LAMA2: variants seen among roughly 807,000 people sequenced by gnomAD.
LAMA2 encodes the protein laminin subunit alpha-2.
A neutral mutation model predicts 364.8 loss-of-function variants in LAMA2; 269 were observed. The ratio of observed to expected loss-of-function variants is 0.74; its 90% CI spans 0.67 to 0.82. LAMA2 has a LOEUF of 0.82. Among genes scored for constraint, LAMA2 ranks in the 40% least tolerant of loss-of-function variants. The probability of loss-of-function intolerance (pLI) is 0.00; values close to 1 mark genes in which losing one functional copy is unlikely to be tolerated. For missense variants in LAMA2, 3,807 were observed against 3,873.2 expected, an observed-to-expected ratio of 0.98 and a Z score of 0.45; for synonymous variants, 1,379 against 1,370.6, an observed-to-expected ratio of 1.01 and a Z score of -0.14.
intron 40 of LAMA2, among the ~76,000 whole-genome samples, chr6:129,417,306 C>T (rs1204759404): frequency 3.9e-5 from 6 of 152,204 alleles, no homozygotes; most frequent in Admixed American, 3.9e-4. Flanking sequence ...CTCCGTTCCA[C>T]AGGCAGGTAA....
chr6:129,400,503 T>G (rs952559846), intron 37 of LAMA2, among the ~76,000 whole-genome samples: 8 of 152,216 alleles, frequency 5.3e-5, no homozygotes, highest in Non-Finnish European at 8.8e-5. Flanking sequence ...TTGATGCAGT[T>G]AAATCTGTAG....
chr6:129,010,884 A>G (rs1278828857), intron 1 of LAMA2, among the ~76,000 whole-genome samples: 2 of 152,134 alleles, frequency 1.3e-5, no homozygotes, highest in Non-Finnish European at 2.9e-5. Flanking sequence ...TACTTCCTAT[A>G]CCTATGTCTT....
chr6:129,309,034 C>T (rs1765384747), intron 22 of LAMA2, among the ~76,000 whole-genome samples: 1 of 152,212 alleles, frequency 6.6e-6, no homozygotes, highest in Non-Finnish European at 1.5e-5. Context: ...ACATATCCAA[C>T]TGTATCAGAG....
At chr6:129,086,355 T>C (rs188826828) in intron 3 of LAMA2, among the ~76,000 whole-genome samples, 1 of 152,362 alleles carries the variant, frequency 6.6e-6, no homozygotes. Flanking sequence ...GAGCATCTTT[T>C]ATATACAAGA....
At chr6:129,508,112 C>CT (rs1786253822) in intron 62 of LAMA2, among the ~76,000 whole-genome samples, 1 of 152,208 alleles carries the variant, frequency 6.6e-6, no homozygotes, top group African/African-American at 2.4e-5. Flanking sequence ...TCTTTCCTGG[C>CT]TTTCTCCACT....
At chr6:128,897,401 T>C (rs974673924) in intron 1 of LAMA2, among the ~76,000 whole-genome samples, 32 of 152,340 alleles carry the variant, frequency 2.1e-4, no homozygotes, top group African/African-American at 7.7e-4. Context: ...GCCTGAATTT[T>C]TTGAGTCATA....
At chr6:129,006,392 T>C (rs1425699132) in intron 1 of LAMA2, among the ~76,000 whole-genome samples, 1 of 152,162 alleles carries the variant, frequency 6.6e-6, no homozygotes, top group Admixed American at 6.5e-5. Context: ...TTTATTTTCT[T>C]TTACCCGATT....
At chr6:128,942,284 G>GT (rs910085084) in intron 1 of LAMA2, among the ~76,000 whole-genome samples, 4 of 151,794 alleles carry the variant, frequency 2.6e-5, no homozygotes, top group Admixed American at 6.6e-5. Context: ...ATAAATGGAG[G>GT]TTTTTTACTC....
intron 9 of LAMA2, among the ~76,000 whole-genome samples, chr6:129,167,559 C>T (rs531004267): frequency 2.0e-4 from 31 of 152,012 alleles, no homozygotes; most frequent in Non-Finnish European, 3.7e-4. Flanking sequence ...TCCAGTCTAT[C>T]ATTGTTGGAC....
chr6:129,320,350 G>A (rs1774885877), intron 27 of LAMA2, among the ~76,000 whole-genome samples, 188 bp from the exon 28 acceptor site: 1 of 151,990 alleles, frequency 6.6e-6, no homozygotes, highest in Admixed American at 6.6e-5. Context: ...AACCCATGCA[G>A]TTCAAGCCCA....
At chr6:129,332,654 A>G (rs1473314830) in intron 29 of LAMA2, among the ~76,000 whole-genome samples, 1 of 152,182 alleles carries the variant, frequency 6.6e-6, no homozygotes, top group East Asian at 1.9e-4. Flanking sequence ...AAGGTTGTCT[A>G]TATCAAGCAC....
intron 63 of LAMA2, among the ~76,000 whole-genome samples, chr6:129,512,748 G>T (rs960035747): frequency 1.3e-5 from 2 of 152,120 alleles, no homozygotes; most frequent in African/African-American, 4.8e-5. Context: ...GAACCAAATA[G>T]TTTGAGATCT....
At chr6:129,319,663 C>T (rs1214425837) in intron 27 of LAMA2, among the ~76,000 whole-genome samples, 1 of 152,108 alleles carries the variant, frequency 6.6e-6, no homozygotes, top group African/African-American at 2.4e-5. Flanking sequence ...ATCAACCCCA[C>T]CTCATGCAGT....
At chr6:129,325,280 T>A (rs1775204815) in intron 28 of LAMA2, among the ~76,000 whole-genome samples, 1 of 152,184 alleles carries the variant, frequency 6.6e-6, no homozygotes, top group East Asian at 1.9e-4. Context: ...AAAGTTTAAA[T>A]TAGAGTAGAA....
intron 12 of LAMA2, among the ~76,000 whole-genome samples, chr6:129,205,531 C>CAT (rs920299414): frequency 6.8e-6 from 1 of 146,630 alleles, no homozygotes; most frequent in African/African-American, 2.6e-5. Flanking sequence ...CACACACACA[C>CAT]ACGTGTGTGA....
At chr6:129,328,483 T>G in intron 29 of LAMA2, 71 bp downstream of exon 29, 10 of 1,612,158 alleles carry the variant, frequency 6.2e-6, no homozygotes, top group Non-Finnish European at 8.5e-6. Flanking sequence ...AGCATCTGCA[T>G]GCAGAGGCCA....
chr6:128,895,180 A>G (rs1776688482), intron 1 of LAMA2, among the ~76,000 whole-genome samples: 1 of 152,146 alleles, frequency 6.6e-6, no homozygotes. Flanking sequence ...TCTGTGGAAA[A>G]AGCAGGAAGT....
rs1200724538 is a variant in LAMA2 at position 129,491,915 on chromosome 6, A to T, written c.7913A>T (p.Gln2638Leu). The T allele has an allele frequency of 6.2e-7, 1 of 1,611,508 alleles. No individual in the cohort carries two copies. The highest frequency in any genetic ancestry group is 8.5e-7 in the Non-Finnish European group (1 of 1,177,600). The change falls in exon 57 of 65, where the codon CAA becomes CTA. Residue 2638 changes from glutamine (Q) to leucine (L), a missense_variant. Transcript: ENST00000421865. ...VERTRGIFTV[Q>L]VDENRRYMQN... is the part of the protein sequence containing the mutation. The stretch of plus-strand genomic sequence containing the variant: ...TATTTTATCAGCATCTTTACAGTTC[A>T]AGTGGATGAAAACAGAAGATACATG...
chr6:129,502,668 G>C lies in LAMA2; in HGVS notation c.8254G>C (p.Ala2752Pro). 8 of 1,612,806 alleles carry C rather than the reference G, an allele frequency of 5.0e-6. No homozygotes were observed. Among genetic ancestry groups the C allele is most frequent in the Non-Finnish European group, 6.8e-6 (8 of 1,178,806 alleles). ...CCTGGGTATTTTACAGGGTCCTTGT[G>C]CTGCAGAATCAGAACCAGCTCTTTT... ...PTPVLTHGPC[A>P]AESEPALLIG... is the part of the protein sequence containing the mutation. The change falls in exon 59 of 65, where the codon GCT becomes CCT. Residue 2752 changes from alanine (A) to proline (P), a missense_variant. Coordinates refer to ENST00000421865, the MANE Select transcript of LAMA2 (RefSeq NM_000426.4).
Sources: gnomAD v4.1 joint callset for allele counts (sites outside exome capture counted in the v4.1 genomes callset) on GRCh38, gnomAD v4.1.1 for gene constraint, MANE v1.5 for transcripts, NCBI Gene and HGNC (gene_info 2026-07-23, HGNC 2026-07-21) for gene names.